The following UGGT2 variants were observed in gnomAD, a reference collection of about 807,000 sequenced individuals.
The protein encoded by UGGT2 is UDP-glucose glycoprotein glucosyltransferase 2.
In UGGT2, 180 loss-of-function variants were observed where a neutral mutation model predicts 192.1. That is an observed-to-expected ratio of 0.94 (90% CI 0.83 to 1.06). The LOEUF is 1.06. Ranked by LOEUF, UGGT2 falls within the 50% of genes least tolerant of loss-of-function variation. The pLI, the probability that UGGT2 is intolerant of heterozygous loss-of-function variation, is 0.00. For missense variants in UGGT2, 1,849 were observed against 1,795.7 expected, an observed-to-expected ratio of 1.03 and a Z score of -0.54; for synonymous variants, 580 against 591.0, an observed-to-expected ratio of 0.98 and a Z score of 0.27.
intron 12 of UGGT2, among the ~76,000 whole-genome samples, chr13:95,958,474 G>C (rs554499880): frequency 9.9e-5 from 15 of 152,266 alleles, no homozygotes; most frequent in Admixed American, 7.2e-4. Context: ...TTATGAGCAG[G>C]AAGGTTTTTC....
chr13:96,041,226 C>T (rs983671463), intron 1 of UGGT2, among the ~76,000 whole-genome samples: 6 of 152,158 alleles, frequency 3.9e-5, no homozygotes, highest in Non-Finnish European at 7.3e-5. Flanking sequence ...AACACACTCT[C>T]ACTGGGGAAC....
rs2048021263 is a variant in UGGT2, at chr13:95,898,811, A to G, written c.2634+1996T>C. The stretch of plus-strand genomic sequence containing the variant: ...AGGATGCAGCAAGAAAGCTCCCATC[A>G]GATGCCAGTGCCTTGATCTTGGACT... On this transcript the variant is annotated intron_variant, in intron 22 of 38. Transcript: ENST00000376747. Among the ~76,000 whole-genome samples the G allele has an allele frequency of 2.0e-5, 3 of 152,312 alleles. No homozygotes were observed. In the South Asian group the frequency reaches 6.2e-4, roughly 32 times the overall value.
intron 38 of UGGT2, among the ~76,000 whole-genome samples, chr13:95,829,968 T>G (rs1594093052): frequency 1.3e-5 from 2 of 151,972 alleles, no homozygotes; most frequent in African/African-American, 4.8e-5. Flanking sequence ...CCCTCAGAAA[T>G]AATACCACAC....
intron 21 of UGGT2, among the ~76,000 whole-genome samples, 156 bp downstream of exon 21, chr13:95,902,698 T>A (rs2048142388): frequency 6.6e-6 from 1 of 152,168 alleles, no homozygotes; most frequent in Non-Finnish European, 1.5e-5. Flanking sequence ...CAGAGTCATA[T>A]CATTTAATGT....
In UGGT2 at chr13:95,997,423, G is replaced by GA. The variant is rs1176722638; in HGVS notation, c.758-1289dup. Reference sequence around the variant, plus strand: ...AACACTTTGGGAGGCTGAGGTGGGTGAATCACAAGGTCAGTTCAATACCAG... The same window carrying GA: ...AACACTTTGGGAGGCTGAGGTGGGTGAAATCACAAGGTCAGTTCAATACCAG... On this transcript the variant is annotated intron_variant, in intron 6 of 38. Transcript: ENST00000376747. Among the ~76,000 whole-genome samples, 243 of 152,194 alleles carry GA rather than the reference G, an allele frequency of 1.6e-3. 3 individuals are homozygous for GA. Among genetic ancestry groups the GA allele is most frequent in the Non-Finnish European group, 4.0e-4 (27 of 67,992 alleles).
intron 38 of UGGT2, among the ~76,000 whole-genome samples, chr13:95,802,306 A>AGAACAAAATGGTCTCTT (rs1884098222): frequency 6.6e-6 from 1 of 152,250 alleles, no homozygotes; most frequent in Non-Finnish European, 1.5e-5. Flanking sequence ...AGACTCTCAG[A>AGAACAAAATGGTCTCTT]GAACAAAATG....
chr13:95,983,993 A>G, intron 9 of UGGT2, 129 bp from the exon 10 acceptor site: 5 of 525,478 alleles, frequency 9.5e-6, no homozygotes, highest in Non-Finnish European at 1.6e-5. Context: ...TGAAAAGTAT[A>G]CATTTCCATA....
chr13:96,010,288 A>G (rs939480884), intron 5 of UGGT2, among the ~76,000 whole-genome samples: 1 of 152,224 alleles, frequency 6.6e-6, no homozygotes, highest in African/African-American at 2.4e-5. Context: ...CATATACACC[A>G]CGAAATACTA....
At chr13:96,023,016 C>T (rs1039511829) in intron 4 of UGGT2, 24 bp downstream of exon 4, 20 of 1,529,682 alleles carry the variant, frequency 1.3e-5, no homozygotes, top group Non-Finnish European at 1.7e-5. Flanking sequence ...CCACTTCTTT[C>T]ATTATAGGCT....
chr13:95,994,125 T>C (rs2051544292), intron 7 of UGGT2, among the ~76,000 whole-genome samples: 1 of 152,134 alleles, frequency 6.6e-6, no homozygotes, highest in African/African-American at 2.4e-5. Flanking sequence ...TTTTTGTAAC[T>C]CATTAGATCA....
At chr13:95,812,819 C>T (rs1046970666) in intron 38 of UGGT2, among the ~76,000 whole-genome samples, 12 of 152,094 alleles carry the variant, frequency 7.9e-5, no homozygotes, top group South Asian at 2.1e-4. Flanking sequence ...ACTTCACCTT[C>T]GCTACCAGTA....
At chr13:95,882,702 T>C (rs1349335484) in intron 27 of UGGT2, among the ~76,000 whole-genome samples, 1 of 152,204 alleles carries the variant, frequency 6.6e-6, no homozygotes, top group Non-Finnish European at 1.5e-5. Flanking sequence ...GAACAACTTC[T>C]AAAAAGACGC....
chr13:96,044,715 A>G (rs1208729733), intron 1 of UGGT2, among the ~76,000 whole-genome samples: 1 of 152,218 alleles, frequency 6.6e-6, no homozygotes, highest in African/African-American at 2.4e-5. Flanking sequence ...GGCTACCATG[A>G]ACAACTTTAT....
chr13:95,853,739 G>T, intron 35 of UGGT2, 82 bp from the exon 36 acceptor site: 4 of 878,814 alleles, frequency 4.6e-6, no homozygotes, highest in Non-Finnish European at 5.1e-6. Context: ...TGTCTACAGT[G>T]ACGGTATTAA....
At chr13:95,959,288 G>A (rs1259907882) in intron 12 of UGGT2, among the ~76,000 whole-genome samples, 2 of 152,144 alleles carry the variant, frequency 1.3e-5, no homozygotes, top group African/African-American at 4.8e-5. Context: ...GATGAGCAAA[G>A]CATGCCCCAG....
At chr13:95,973,632 CA>C (rs2050845691) in intron 10 of UGGT2, among the ~76,000 whole-genome samples, 1 of 152,158 alleles carries the variant, frequency 6.6e-6, no homozygotes, top group Admixed American at 6.5e-5. Context: ...GGCGCTAGAA[CA>C]GTTAACAAAA....
chr13:96,046,641 C>T (rs925476024), intron 1 of UGGT2, among the ~76,000 whole-genome samples: 23 of 152,174 alleles, frequency 1.5e-4, no homozygotes, highest in Non-Finnish European at 2.9e-4. Flanking sequence ...GGGTGCAGCC[C>T]ACAGAGTGTG....
intron 12 of UGGT2, among the ~76,000 whole-genome samples, chr13:95,968,966 G>A (rs144317103): frequency 3.4e-4 from 52 of 152,250 alleles, no homozygotes; most frequent in Non-Finnish European, 6.3e-4. Context: ...TAAGCTCTTG[G>A]AATGTTCTGA....
At chr13:95,900,972 TGAG>T in intron 21 of UGGT2, 34 bp from the exon 22 acceptor site, 1 of 1,448,666 alleles carries the variant, frequency 6.9e-7, no homozygotes, top group South Asian at 1.6e-5. Context: ...GAAACTAATA[TGAG>T]AACAGTAAAT....
Sources: allele counts gnomAD v4.1 joint callset (sites outside exome capture counted in the v4.1 genomes callset), GRCh38; gene constraint gnomAD v4.1.1; transcripts MANE v1.5; gene names NCBI Gene and HGNC (gene_info 2026-07-23, HGNC 2026-07-21).